HUWE1: variants seen among roughly 807,000 people sequenced by gnomAD.
HUWE1 encodes the protein E3 ubiquitin-protein ligase HUWE1.
In HUWE1, 18 loss-of-function variants were observed where a neutral mutation model predicts 299.4. The ratio of observed to expected loss-of-function variants is 0.06; its 90% confidence interval spans 0.04 to 0.09. HUWE1 has a LOEUF of 0.09. Ranked by LOEUF, HUWE1 falls within the 10% of genes least tolerant of loss-of-function variation. The pLI is 1.00. For synonymous variants in HUWE1, 1,317 were observed against 1,286.1 expected (o/e 1.02, Z -0.51); for missense variants, 1,832 against 3,462.3 (o/e 0.53, Z 11.82).
At chrX:53,625,430 G>A in intron 17 of HUWE1, 172 bp from the exon 18 acceptor site, 1 of 390,200 alleles carries the variant, frequency 2.6e-6, no homozygotes, top group Non-Finnish European at 4.5e-6. Context: ...TTTGAAATTG[G>A]AAAAATTACT....
intron 7 of HUWE1, among the ~76,000 whole-genome samples, chrX:53,639,569 T>A (rs2067439428): frequency 9.0e-6 from 1 of 111,538 alleles, no homozygotes; most frequent in Non-Finnish European, 1.9e-5. Context: ...CATTTGTAAC[T>A]GAAGGACAAA....
chrX:53,633,797 A>G (rs1248144735), intron 8 of HUWE1, among the ~76,000 whole-genome samples: 1 of 112,381 alleles, frequency 8.9e-6, no homozygotes, highest in Non-Finnish European at 1.9e-5. Context: ...AAACAAGGAA[A>G]GCACATAAAA....
Position 53,608,854 on chromosome X carries a change from C to T in HUWE1, c.2317G>A (p.Val773Met), listed in dbSNP as rs928488335. ...GTTTGCCCTGTGTTGAATCTTACCA[C>T]ATTAAGGATGTAATCCATGAGGGGA... ...PIPLMDYILN[V>M]MKFVESILSN... is the part of the protein sequence containing the mutation. The change falls in exon 24 of 84, where the codon GTG becomes ATG. Residue 773 changes from valine (V) to methionine (M), a missense_variant and splice_region_variant. Physicochemically the swap from Val to Met is conservative, Grantham distance 21. Coordinates refer to ENST00000262854, the MANE Select transcript of HUWE1 (RefSeq NM_031407.7). The T allele has an allele frequency of 1.7e-6, 2 of 1,143,249 alleles. No homozygotes were observed. The highest frequency in any genetic ancestry group is 2.4e-6 in the Non-Finnish European group (2 of 832,926). 94.2% of individuals were successfully genotyped at this position (1,143,249 alleles called of 1,213,427 possible).
intron 3 of HUWE1, among the ~76,000 whole-genome samples, chrX:53,674,733 A>C (rs1273523472): frequency 1.8e-5 from 2 of 111,435 alleles, no homozygotes; most frequent in Non-Finnish European, 3.8e-5. Flanking sequence ...GTGATTTGCA[A>C]GTCTCCTTCC....
intron 3 of HUWE1, among the ~76,000 whole-genome samples, chrX:53,662,282 T>C (rs991823436): frequency 8.0e-5 from 9 of 111,977 alleles, no homozygotes; most frequent in Non-Finnish European, 1.5e-4. Flanking sequence ...CTATATCACT[T>C]ACTCACTGCA....
rs2061815972 is a variant in HUWE1 at position 53,552,685 on chromosome X, T to C, written c.8703A>G (p.Gln2901=). The C allele has an allele frequency of 4.1e-6, 5 of 1,210,407 alleles. No individual in the cohort carries two copies. The Middle Eastern group carries it at 7.0e-4, about 168-fold the overall frequency. The change falls in exon 62 of 84, where the codon CAA becomes CAG. Residue 2901 remains glutamine (Q), a synonymous_variant. Transcript: ENST00000262854. Reference sequence around the variant, plus strand: ...ATTCCCCTGACCCATCACTCCTGCCTTGCACTTCCGCCACAGCTGGTGGGG... The same window carrying C: ...ATTCCCCTGACCCATCACTCCTGCCCTGCACTTCCGCCACAGCTGGTGGGG... ...GDAPPAVAEV[Q]GRSDGSGESA...
chrX:53,627,953 T>C, intron 15 of HUWE1, 74 bp from the exon 16 acceptor site: 1 of 985,694 alleles, frequency 1.0e-6, no homozygotes, highest in Non-Finnish European at 1.4e-6. Flanking sequence ...TGCTTTTGTA[T>C]ACATGTAGTC....
chrX:53,582,101 G>T (rs1410108874), intron 42 of HUWE1, among the ~76,000 whole-genome samples: 1 of 112,003 alleles, frequency 8.9e-6, no homozygotes, highest in Non-Finnish European at 1.9e-5. Flanking sequence ...ATCTTGATAC[G>T]TTAAGACTGT....
At chrX:53,586,079 C>T (rs956394675) in intron 39 of HUWE1, among the ~76,000 whole-genome samples, 9 of 112,313 alleles carry the variant, frequency 8.0e-5, no homozygotes, top group Non-Finnish European at 5.6e-5. Context: ...CTATCTACAG[C>T]CCCTTATCTT....
intron 43 of HUWE1, among the ~76,000 whole-genome samples, chrX:53,578,541 GCCCCCCGCCCGGCCAGC>G (rs2063343852): frequency 1.0e-5 from 1 of 96,391 alleles, no homozygotes. Context: ...TGGGGGGTCA[GCCCCCCGCCCGGCCAGC>G]CGCCCCGTCC....
chrX:53,537,194 G>A (rs893675291), intron 78 of HUWE1: 8 of 276,700 alleles, frequency 2.9e-5, no homozygotes, highest in Admixed American at 2.5e-4. Context: ...ATCTCCTCTA[G>A]GTGGCTTCAG....
intron 24 of HUWE1, among the ~76,000 whole-genome samples, chrX:53,608,141 C>T (rs1352875275): frequency 8.9e-6 from 1 of 111,865 alleles, no homozygotes; most frequent in Non-Finnish European, 1.9e-5. Context: ...GAGTTTGTTT[C>T]AAACAAAGAA....
At chrX:53,603,561 A>G in intron 26 of HUWE1, 60 bp from the exon 27 acceptor site, 3 of 1,117,167 alleles carry the variant, frequency 2.7e-6, no homozygotes, top group Non-Finnish European at 3.7e-6. Context: ...TACTTAAAAA[A>G]AAAAATTGAC....
At chrX:53,533,704 G>A (rs958626194) in intron 83 of HUWE1, 4 of 437,036 alleles carry the variant, frequency 9.2e-6, no homozygotes, top group East Asian at 3.8e-5. Flanking sequence ...ACTGGTAATC[G>A]GACCTCTGCT....
chrX:53,592,973 G>T (rs1316051826), intron 32 of HUWE1, among the ~76,000 whole-genome samples: 1 of 111,951 alleles, frequency 8.9e-6, no homozygotes, highest in African/African-American at 3.3e-5. Flanking sequence ...CCTGCCATGT[G>T]ACATGCAAGC....
At chrX:53,659,646 A>G (rs2068906152) in intron 3 of HUWE1, among the ~76,000 whole-genome samples, 1 of 111,873 alleles carries the variant, frequency 8.9e-6, no homozygotes, top group East Asian at 2.8e-4. Flanking sequence ...CTAAACCCCA[A>G]AAGTATACAC....
At chrX:53,581,438 G>T (rs1310073994) in intron 42 of HUWE1, among the ~76,000 whole-genome samples, 1 of 112,248 alleles carries the variant, frequency 8.9e-6, no homozygotes, top group African/African-American at 3.2e-5. Flanking sequence ...TCAACCATCA[G>T]TCTGAGATAA....
At position 53,533,105 on chromosome X, in the gene HUWE1, A is replaced by C; in HGVS notation, c.*204T>G. On this transcript the variant is annotated 3_prime_UTR_variant, in exon 84 of 84. Transcript: ENST00000262854. ...CATGGACGGCATGGAAAGGGGAGAG[A>C]AGGTGAGGAAACAGGCGGCGGGGAG... 1 of 436,047 alleles carries C rather than the reference A, an allele frequency of 2.3e-6. No individual in the cohort carries two copies. Among genetic ancestry groups the C allele is most frequent in the Non-Finnish European group, 4.1e-6 (1 of 244,749 alleles). The allele number at this position is 436,047 out of a possible 1,213,427, so 35.9% of individuals were successfully genotyped here. A position where few individuals can be genotyped will look rare whatever the true frequency, so the allele number is the denominator to read the frequency against.
chrX:53,586,350 T>C (rs2063856744), intron 39 of HUWE1, 140 bp downstream of exon 39: 5 of 474,705 alleles, frequency 1.1e-5, no homozygotes, highest in Non-Finnish European at 1.5e-5. Flanking sequence ...AAGAGAAACC[T>C]AGCTATGAAA....
Sources: gnomAD v4.1 joint callset for allele counts (sites outside exome capture counted in the v4.1 genomes callset) on GRCh38, gnomAD v4.1.1 for gene constraint, MANE v1.5 for transcripts, NCBI Gene and HGNC (gene_info 2026-07-23, HGNC 2026-07-21) for gene names.